Variants in IGSF11 observed in about 807,000 individuals in gnomAD.
IGSF11 encodes the protein CXADR like 1.
In IGSF11, 22 loss-of-function variants were observed where a neutral mutation model predicts 41.0. That is an observed-to-expected ratio of 0.54 (90% CI 0.38 to 0.77). The LOEUF (loss-of-function observed/expected upper bound fraction) is 0.77, where lower values mean the gene tolerates loss of function less well. IGSF11 is among the 30% of genes least tolerant of loss of function. IGSF11 has a pLI of 0.00. For missense variants in IGSF11, 444 were observed against 530.8 expected, an observed-to-expected ratio of 0.84 and a Z score of 1.61; for synonymous variants, 219 against 201.3, an observed-to-expected ratio of 1.09 and a Z score of -0.74.
In IGSF11 at chr3:118,914,909, G is replaced by C. The variant is rs376391528; in HGVS notation, c.581-9191C>G. On this transcript the variant is annotated intron_variant, in intron 4 of 6. Coordinates refer to ENST00000393775, the MANE Select transcript of IGSF11 (RefSeq NM_001015887.3). ...TCTCCCAGCACGCAGCTGGAGATCT[G>C]AGAACGGGCAGACTGCCTCCTCAAG... Among the ~76,000 whole-genome samples the C allele has an allele frequency of 1.8e-4, 25 of 136,088 alleles. No homozygotes were observed. The East Asian group carries it at 4.0e-3, about 22-fold the overall frequency. The allele number at this position is 136,088 out of a possible 152,430, so 89.3% of individuals were successfully genotyped here.
chr3:118,979,435 A>AAT (rs1934473994), intron 1 of IGSF11, among the ~76,000 whole-genome samples: 2 of 152,200 alleles, frequency 1.3e-5, no homozygotes, highest in Non-Finnish European at 2.9e-5. Flanking sequence ...ATGTAAAAAC[A>AAT]ATATACCTCG....
intron 1 of IGSF11, among the ~76,000 whole-genome samples, chr3:119,040,768 GA>G (rs1941089486): frequency 6.6e-6 from 1 of 152,122 alleles, no homozygotes; most frequent in African/African-American, 2.4e-5. Context: ...ATGAATCAAT[GA>G]ATGAAGCAAT....
chr3:119,025,547 T>C (rs58420381), intron 1 of IGSF11, among the ~76,000 whole-genome samples: 4,201 of 152,152 alleles, frequency 0.028, 177 homozygotes, highest in African/African-American at 0.096. Flanking sequence ...GAAGGCCATC[T>C]CCATTTCACA....
At chr3:119,055,570 A>G (rs1941799351) in intron 1 of IGSF11, among the ~76,000 whole-genome samples, 1 of 152,222 alleles carries the variant, frequency 6.6e-6, no homozygotes, top group Non-Finnish European at 1.5e-5. Context: ...AACGAGACAG[A>G]AAGTTAACAA....
chr3:118,917,325 T>A (rs1941241085), intron 4 of IGSF11, among the ~76,000 whole-genome samples: 1 of 150,558 alleles, frequency 6.6e-6, no homozygotes, highest in Non-Finnish European at 1.5e-5. Context: ...AGGAGCTGGT[T>A]TTCTGAAAGG....
upstream of IGSF11, among the ~76,000 whole-genome samples, chr3:119,038,734 G>A (rs1023044279): frequency 6.6e-6 from 1 of 151,994 alleles, no homozygotes; most frequent in Non-Finnish European, 1.5e-5. Flanking sequence ...TTCTTTACCA[G>A]TTTTCATTAA....
chr3:119,123,429 C>A (rs2077359429), intron 1 of IGSF11, among the ~76,000 whole-genome samples: 1 of 152,328 alleles, frequency 6.6e-6, no homozygotes, highest in South Asian at 2.1e-4. Flanking sequence ...AACTCACTGA[C>A]CTGAAAACAA....
chr3:118,962,055 T>C (rs896090643), intron 1 of IGSF11, among the ~76,000 whole-genome samples: 2 of 152,232 alleles, frequency 1.3e-5, no homozygotes, highest in Non-Finnish European at 2.9e-5. Context: ...TTGGAAAGAC[T>C]TGGAGCTCAT....
chr3:119,115,872 C>A (rs1379656441), intron 1 of IGSF11, among the ~76,000 whole-genome samples: 1 of 152,100 alleles, frequency 6.6e-6, no homozygotes, highest in Non-Finnish European at 1.5e-5. Context: ...CTGATTCCCT[C>A]AAAAATTTAT....
At chr3:118,962,975 T>C (rs1414809752) in intron 1 of IGSF11, among the ~76,000 whole-genome samples, 1 of 152,162 alleles carries the variant, frequency 6.6e-6, no homozygotes, top group Non-Finnish European at 1.5e-5. Flanking sequence ...AGGTCTCTGG[T>C]AGTCTTTACA....
chr3:119,121,400 G>A (rs1559879800), intron 1 of IGSF11, among the ~76,000 whole-genome samples: 1 of 152,110 alleles, frequency 6.6e-6, no homozygotes, highest in Admixed American at 6.5e-5. Flanking sequence ...AAATTCTGCA[G>A]CTGAGAAGTA....
chr3:119,004,296 G>C (rs1299468699), intron 1 of IGSF11, among the ~76,000 whole-genome samples: 2 of 151,572 alleles, frequency 1.3e-5, no homozygotes, highest in African/African-American at 4.9e-5. Context: ...ATTTCTGTGG[G>C]ATCGGTGGTG....
chr3:119,009,141 T>C (rs989097430), intron 1 of IGSF11, among the ~76,000 whole-genome samples: 3 of 152,198 alleles, frequency 2.0e-5, no homozygotes, highest in African/African-American at 4.8e-5. Flanking sequence ...CATTCTTTAG[T>C]CTATTTCCTT....
chr3:119,021,093 T>C (rs1576664005), intron 1 of IGSF11, among the ~76,000 whole-genome samples: 1 of 152,270 alleles, frequency 6.6e-6, no homozygotes, highest in Admixed American at 6.5e-5. Flanking sequence ...GACACTGAAT[T>C]TGGAATAAAA....
chr3:119,117,051 C>T (rs1252924606), intron 1 of IGSF11, among the ~76,000 whole-genome samples: 1 of 152,004 alleles, frequency 6.6e-6, no homozygotes, highest in Non-Finnish European at 1.5e-5. Context: ...TATTTGAGTA[C>T]AAACTTCATC....
At chr3:119,125,126 A>C (rs894743624) in intron 1 of IGSF11, among the ~76,000 whole-genome samples, 13 of 152,254 alleles carry the variant, frequency 8.5e-5, no homozygotes, top group Non-Finnish European at 1.9e-4. Flanking sequence ...GAAGGACTTC[A>C]TCAATACCAG....
chr3:119,120,727 T>G (rs979132659), intron 1 of IGSF11, among the ~76,000 whole-genome samples: 1 of 152,172 alleles, frequency 6.6e-6, no homozygotes, highest in African/African-American at 2.4e-5. Flanking sequence ...TACCTGAAGG[T>G]TGCCATGACA....
intron 1 of IGSF11, among the ~76,000 whole-genome samples, chr3:119,130,244 A>G (rs981710731): frequency 4.6e-5 from 7 of 152,220 alleles, no homozygotes; most frequent in Non-Finnish European, 8.8e-5. Flanking sequence ...GAGCCAAAGC[A>G]GGGCAGGGCA....
chr3:118,967,257 A>G (rs1341593711), intron 1 of IGSF11, among the ~76,000 whole-genome samples: 2 of 152,134 alleles, frequency 1.3e-5, no homozygotes, highest in African/African-American at 2.4e-5. Flanking sequence ...ATGTCCAGAT[A>G]TAACAGTCAT....
Sources: allele counts gnomAD v4.1 joint callset (sites outside exome capture counted in the v4.1 genomes callset), GRCh38; gene constraint gnomAD v4.1.1; transcripts MANE v1.5; gene names NCBI Gene and HGNC (gene_info 2026-07-23, HGNC 2026-07-21).